Variants in SH3KBP1 observed in about 807,000 individuals in gnomAD.
The protein encoded by SH3KBP1 is SH3 domain-containing kinase-binding protein 1.
A neutral mutation model predicts 50.1 loss-of-function variants in SH3KBP1; 8 were observed. That is an observed-to-expected ratio of 0.16 (90% CI 0.09 to 0.29). The LOEUF (loss-of-function observed/expected upper bound fraction) is 0.29. Ranked by LOEUF, SH3KBP1 falls within the 10% of genes least tolerant of loss-of-function variation. The pLI is 1.00. For synonymous variants in SH3KBP1, 227 were observed against 218.6 expected, an observed-to-expected ratio of 1.04 and a Z score of -0.34; for missense variants, 377 against 535.2, an observed-to-expected ratio of 0.70 and a Z score of 2.92.
chrX:19,738,129 T>C (rs1300106490), intron 3 of SH3KBP1, among the ~76,000 whole-genome samples: 1 of 111,474 alleles, frequency 9.0e-6, no homozygotes. Context: ...TAACATGCAG[T>C]TCCATGATCA....
intron 5 of SH3KBP1, among the ~76,000 whole-genome samples, chrX:19,691,729 G>A (rs968519609): frequency 9.0e-6 from 1 of 111,236 alleles, no homozygotes; most frequent in Non-Finnish European, 1.9e-5. Flanking sequence ...CAATAAAGAA[G>A]ACTTTAGGGG....
chrX:19,843,294 G>C (rs2147459207), intron 1 of SH3KBP1, among the ~76,000 whole-genome samples: 1 of 109,847 alleles, frequency 9.1e-6, no homozygotes, highest in African/African-American at 3.3e-5. Context: ...TGCTGGGATT[G>C]CAAGCGTGAG....
chrX:19,703,123 A>G (rs1009867387), intron 4 of SH3KBP1, among the ~76,000 whole-genome samples: 4 of 111,946 alleles, frequency 3.6e-5, no homozygotes, highest in Non-Finnish European at 5.6e-5. Context: ...CAGGCTGAGC[A>G]TTCAGGGCTG....
At chrX:19,653,721 T>C (rs965972561) in intron 6 of SH3KBP1, among the ~76,000 whole-genome samples, 1 of 105,080 alleles carries the variant, frequency 9.5e-6, no homozygotes, top group East Asian at 3.0e-4. Context: ...AATATATATA[T>C]ACACACACAT....
intron 7 of SH3KBP1, among the ~76,000 whole-genome samples, chrX:19,643,298 G>T (rs2061905131): frequency 2.3e-5 from 2 of 87,194 alleles, no homozygotes; most frequent in African/African-American, 4.9e-5. Flanking sequence ...TGAAACTGAA[G>T]AATTTTTTAT....
intron 14 of SH3KBP1, among the ~76,000 whole-genome samples, chrX:19,548,918 C>T (rs73631346): frequency 0.021 from 2,296 of 111,636 alleles, 60 homozygotes; most frequent in African/African-American, 0.071. Context: ...GTGGCAAAAG[C>T]AAACCATACA....
chrX:19,768,783 T>C (rs766183084), intron 2 of SH3KBP1, among the ~76,000 whole-genome samples: 1 of 109,663 alleles, frequency 9.1e-6, no homozygotes, highest in Admixed American at 9.9e-5. Context: ...GTCTGATTTA[T>C]GGGTGAACAT....
intron 9 of SH3KBP1, among the ~76,000 whole-genome samples, chrX:19,605,553 G>C (rs1188213439): frequency 9.0e-6 from 1 of 111,252 alleles, no homozygotes; most frequent in Non-Finnish European, 1.9e-5. Context: ...ACAAAGATAG[G>C]GGAGAAGCGG....
At chrX:19,681,612 C>G (rs1012578756) in intron 6 of SH3KBP1, among the ~76,000 whole-genome samples, 4 of 107,724 alleles carry the variant, frequency 3.7e-5, no homozygotes, top group South Asian at 8.2e-4. Context: ...GCTAAGATAG[C>G]AGGGAGGAAA....
At chrX:19,679,230 TA>T (rs2062992890) in intron 6 of SH3KBP1, among the ~76,000 whole-genome samples, 1 of 111,869 alleles carries the variant, frequency 8.9e-6, no homozygotes. Flanking sequence ...ACTCTATTAT[TA>T]TTGTTTATTT....
intron 7 of SH3KBP1, among the ~76,000 whole-genome samples, chrX:19,635,130 T>C (rs1443346841): frequency 8.9e-6 from 1 of 112,368 alleles, no homozygotes; most frequent in Non-Finnish European, 1.9e-5. Flanking sequence ...AACAGGAATG[T>C]ATTTTTATTG....
chrX:19,869,508 C>T (rs2068983206), intron 1 of SH3KBP1, among the ~76,000 whole-genome samples: 1 of 112,280 alleles, frequency 8.9e-6, no homozygotes, highest in African/African-American at 3.2e-5. Context: ...GAGCCAGCTC[C>T]GACCATGTCC....
chrX:19,650,525 G>A (rs924122201), intron 6 of SH3KBP1, among the ~76,000 whole-genome samples: 15 of 105,967 alleles, frequency 1.4e-4, no homozygotes, highest in African/African-American at 4.8e-4. Context: ...CTCCCACAAG[G>A]TCCCTCCCCC....
At position 19,595,006 on chromosome X, in the gene SH3KBP1, A is replaced by G; in HGVS notation, c.1006-6T>C. 1 of 1,149,003 alleles carries G rather than the reference A, an allele frequency of 8.7e-7. No individual in the cohort carries two copies. The highest frequency in any genetic ancestry group is 1.2e-6 in the Non-Finnish European group (1 of 838,409). The allele number at this position is 1,149,003 out of a possible 1,213,427, so 94.7% of individuals were successfully genotyped here. A position where few individuals can be genotyped will look rare whatever the true frequency, so the allele number is the denominator to read the frequency against. On this transcript the variant is annotated splice_polypyrimidine_tract_variant and splice_region_variant and intron_variant, in intron 9 of 17. Transcript: ENST00000397821. ...GGCGGTGGCTTCTTGGGTCTCTGAA[A>G]AATTAATAAAAATTATACCACATGA...
At chrX:19,561,318 A>C (rs1202552455) in intron 13 of SH3KBP1, among the ~76,000 whole-genome samples, 1 of 110,782 alleles carries the variant, frequency 9.0e-6, no homozygotes, top group Non-Finnish European at 1.9e-5. Context: ...AGCCTGGGTA[A>C]CTTGATGAGC....
chrX:19,699,897 C>A (rs2063505055), intron 4 of SH3KBP1, among the ~76,000 whole-genome samples: 1 of 111,521 alleles, frequency 9.0e-6, no homozygotes, highest in Non-Finnish European at 1.9e-5. Flanking sequence ...ATTTATCACC[C>A]CTGAAGTTTT....
chrX:19,887,411 A>G lies in SH3KBP1; in HGVS notation c.-101T>C. On this transcript the variant is annotated 5_prime_UTR_variant, in exon 1 of 18. Transcript: ENST00000397821. ...ATCGGGGCGCTGGGATCCAGGCGCG[A>G]GGGTCCGGACGCGGCGGCGGCTGGG... 1 of 728,705 alleles carries G rather than the reference A, an allele frequency of 1.4e-6. No individual in the cohort carries two copies. Among genetic ancestry groups the G allele is most frequent in the African/African-American group, 2.3e-5 (1 of 43,475 alleles). The allele number at this position is 728,705 out of a possible 1,213,427, so 60.1% of individuals were successfully genotyped here. A position where few individuals can be genotyped will look rare whatever the true frequency, so the allele number is the denominator to read the frequency against.
chrX:19,795,138 T>C (rs1304107628), intron 2 of SH3KBP1, among the ~76,000 whole-genome samples: 2 of 112,021 alleles, frequency 1.8e-5, no homozygotes, highest in African/African-American at 6.5e-5. Flanking sequence ...CCCATTATGA[T>C]GAATTACATA....
At chrX:19,817,826 G>C (rs1196413516) in intron 2 of SH3KBP1, among the ~76,000 whole-genome samples, 2 of 111,207 alleles carry the variant, frequency 1.8e-5, no homozygotes, top group African/African-American at 6.5e-5. Flanking sequence ...GTAGAGACAG[G>C]GTTTCACCAT....
Sources: gnomAD v4.1 joint callset for allele counts (sites outside exome capture counted in the v4.1 genomes callset) on GRCh38, gnomAD v4.1.1 for gene constraint, MANE v1.5 for transcripts, NCBI Gene and HGNC (gene_info 2026-07-23, HGNC 2026-07-21) for gene names.